PAMR1: variants seen among roughly 807,000 people sequenced by gnomAD.
The protein encoded by PAMR1 is peptidase domain containing associated with muscle regeneration 1, also known as inactive serine protease PAMR1.
Under a neutral mutation model 81.8 loss-of-function variants are expected in PAMR1, and 88 were observed. The observed-to-expected ratio is 1.08, with a 90% CI of 0.91 to 1.28. The LOEUF (loss-of-function observed/expected upper bound fraction) is 1.28. PAMR1 is among the 50% of genes most tolerant of loss of function. The probability of loss-of-function intolerance (pLI) is 0.00; values close to 1 mark genes in which losing one functional copy is unlikely to be tolerated. For synonymous variants in PAMR1, 336 were observed against 345.3 expected, an observed-to-expected ratio of 0.97 and a Z score of 0.30; for missense variants, 935 against 919.7, an observed-to-expected ratio of 1.02 and a Z score of -0.21.
intron 1 of PAMR1, among the ~76,000 whole-genome samples, chr11:35,524,471 T>G (rs1338790146): frequency 3.3e-5 from 5 of 152,200 alleles, no homozygotes; most frequent in African/African-American, 1.2e-4. Context: ...CCACCCGACC[T>G]GGCCTGTTTC....
chr11:35,434,013 G>A (rs1333421164), intron 10 of PAMR1, among the ~76,000 whole-genome samples: 1 of 152,180 alleles, frequency 6.6e-6, no homozygotes, highest in Non-Finnish European at 1.5e-5. Context: ...GTGCCCAAAT[G>A]TAATAGGTGA....
At chr11:35,478,564 C>T (rs1850324120) in intron 3 of PAMR1, among the ~76,000 whole-genome samples, 2 of 152,144 alleles carry the variant, frequency 1.3e-5, no homozygotes, top group South Asian at 4.1e-4. Flanking sequence ...AGCGCTCCCT[C>T]CCCACATCAA....
At chr11:35,489,215 T>TA (rs1297990582) in intron 3 of PAMR1, among the ~76,000 whole-genome samples, 3 of 152,322 alleles carry the variant, frequency 2.0e-5, no homozygotes, top group African/African-American at 7.2e-5. Flanking sequence ...CAGAGTCTCT[T>TA]ATAGATGTCC....
intron 1 of PAMR1, among the ~76,000 whole-genome samples, chr11:35,501,805 G>A (rs530248896): frequency 3.9e-5 from 6 of 152,010 alleles, no homozygotes; most frequent in Admixed American, 3.9e-4. Flanking sequence ...TTATATATAG[G>A]CACCACATTT....
chr11:35,480,701 TTTTAC>T (rs1279807622), intron 3 of PAMR1, among the ~76,000 whole-genome samples: 1 of 152,222 alleles, frequency 6.6e-6, no homozygotes, highest in Non-Finnish European at 1.5e-5. Flanking sequence ...TTTTTTATTA[TTTTAC>T]TTTAAATTCC....
intron 1 of PAMR1, among the ~76,000 whole-genome samples, chr11:35,515,536 C>T (rs1851146494): frequency 6.6e-6 from 1 of 152,192 alleles, no homozygotes; most frequent in Admixed American, 6.5e-5. Flanking sequence ...CTGAGGATTC[C>T]TGGCTGGCTC....
intron 7 of PAMR1, among the ~76,000 whole-genome samples, chr11:35,441,055 C>T (rs1026751606): frequency 6.6e-6 from 1 of 152,326 alleles, no homozygotes; most frequent in African/African-American, 2.4e-5. Context: ...CTTCAATCCT[C>T]CCCCTCCATA....
At chr11:35,510,277 C>T (rs1403643231) in intron 1 of PAMR1, among the ~76,000 whole-genome samples, 3 of 152,120 alleles carry the variant, frequency 2.0e-5, no homozygotes, top group African/African-American at 7.2e-5. Context: ...AACTGATGAA[C>T]CTACATGGAC....
intron 1 of PAMR1, among the ~76,000 whole-genome samples, chr11:35,512,855 G>A (rs577058027): frequency 2.0e-5 from 3 of 152,162 alleles, no homozygotes; most frequent in Non-Finnish European, 4.4e-5. Context: ...GTTGGGCATA[G>A]TGCCATGTGC....
chr11:35,505,131 T>C (rs1241579938), intron 1 of PAMR1, among the ~76,000 whole-genome samples: 1 of 152,176 alleles, frequency 6.6e-6, no homozygotes, highest in East Asian at 1.9e-4. Context: ...CATAGGCACA[T>C]TGTTTAATTT....
At chr11:35,512,267 C>A (rs1427374143) in intron 1 of PAMR1, among the ~76,000 whole-genome samples, 1 of 152,176 alleles carries the variant, frequency 6.6e-6, no homozygotes, top group Non-Finnish European at 1.5e-5. Context: ...CCTCTACACC[C>A]AGCACCCACT....
At chr11:35,526,392 A>C (rs529661446), upstream of PAMR1, among the ~76,000 whole-genome samples, 4 of 152,330 alleles carry the variant, frequency 2.6e-5, no homozygotes, top group Admixed American at 1.3e-4. Context: ...AACACACAAG[A>C]ACCCTCACTG....
intron 6 of PAMR1, among the ~76,000 whole-genome samples, chr11:35,453,711 T>A (rs1353080003): frequency 6.6e-6 from 1 of 152,224 alleles, no homozygotes. Flanking sequence ...TGATTCATGA[T>A]TCTTTCCTAT....
chr11:35,522,072 G>C (rs570531083), intron 1 of PAMR1, among the ~76,000 whole-genome samples: 2 of 152,144 alleles, frequency 1.3e-5, no homozygotes, highest in East Asian at 3.9e-4. Context: ...ACAGGCGCCT[G>C]CCACCACGCC....
chr11:35,468,429 G>A (rs1565339487), intron 5 of PAMR1, among the ~76,000 whole-genome samples: 1 of 152,128 alleles, frequency 6.6e-6, no homozygotes, highest in African/African-American at 2.4e-5. Flanking sequence ...TCTCCCATAG[G>A]GGTTTCAGCG....
Position 35,434,853 on chromosome 11 carries a change from C to G in PAMR1, c.1334-49G>C, listed in dbSNP as rs76605735. On this transcript the variant is annotated intron_variant, in intron 9 of 10. Transcript: ENST00000619888. ...TAAGATAAACTCAGACTTTGCCATC[C>G]AAAGGAGAATGTGTCACTTAACCAG... The G allele has an allele frequency of 4.1e-3, 6,391 of 1,565,960 alleles. 15 individuals are homozygous for G. The highest frequency in any genetic ancestry group is 5.2e-3 in the Non-Finnish European group (6,008 of 1,145,416).
At chr11:35,505,758 G>A (rs529558475) in intron 1 of PAMR1, among the ~76,000 whole-genome samples, 2 of 152,136 alleles carry the variant, frequency 1.3e-5, no homozygotes, top group African/African-American at 4.8e-5. Context: ...AGTGAGGTGG[G>A]TTTCTTGTAG....
At position 35,470,740 on chromosome 11, in the gene PAMR1, A is replaced by G. The variant is rs1301475214; in HGVS notation, c.573T>C (p.Asp191=). ...CACAGACACGCTTGATGATCTGGCCATCGCGGTTGTCTCCATCACGAACCT... is the reference window on the plus strand; with the variant it reads ...CACAGACACGCTTGATGATCTGGCCGTCGCGGTTGTCTCCATCACGAACCT... ...YVEVRDGDNR[D]GQIIKRVCGN... Residue 191 remains aspartate, a synonymous_variant, in exon 5 of 11, where the codon GAT becomes GAC. Transcript: ENST00000619888. 3 of 1,614,018 alleles carry G rather than the reference A, an allele frequency of 1.9e-6. No homozygotes were observed. Among genetic ancestry groups the G allele is most frequent in the Admixed American group, 1.7e-5 (1 of 60,000 alleles).
intron 1 of PAMR1, among the ~76,000 whole-genome samples, chr11:35,516,372 T>C (rs911824195): frequency 1.9e-4 from 29 of 152,206 alleles, no homozygotes; most frequent in African/African-American, 6.8e-4. Flanking sequence ...CTTACATCCA[T>C]TCTAAGAAAT....
Sources: allele counts gnomAD v4.1 joint callset (sites outside exome capture counted in the v4.1 genomes callset), GRCh38; gene constraint gnomAD v4.1.1; transcripts MANE v1.5; gene names NCBI Gene and HGNC (gene_info 2026-07-23, HGNC 2026-07-21).